The following STAG1 variants were observed in gnomAD, a reference collection of about 807,000 sequenced individuals.
STAG1 encodes the protein cohesin subunit SA-1.
A neutral mutation model predicts 170.9 loss-of-function variants in STAG1; 26 were observed. The observed-to-expected ratio is 0.15, with a 90% CI of 0.11 to 0.21. The LOEUF (loss-of-function observed/expected upper bound fraction) is 0.21, where lower values mean the gene tolerates loss of function less well. Ranked by LOEUF, STAG1 falls within the 10% of genes least tolerant of loss-of-function variation. The pLI is 1.00. For missense variants in STAG1, 964 were observed against 1,509.5 expected, an observed-to-expected ratio of 0.64 and a Z score of 5.99; for synonymous variants, 514 against 497.7, an observed-to-expected ratio of 1.03 and a Z score of -0.44.
intron 1 of STAG1, among the ~76,000 whole-genome samples, chr3:136,654,615 G>A (rs1559932630): frequency 6.6e-6 from 1 of 152,078 alleles, no homozygotes; most frequent in Non-Finnish European, 1.5e-5. Flanking sequence ...ATTTTTTGCA[G>A]AAATAGAAAA....
At chr3:136,586,888 T>C in intron 4 of STAG1, 1 of 456,526 alleles carries the variant, frequency 2.2e-6, no homozygotes, top group Non-Finnish European at 4.4e-6. Flanking sequence ...TCTTTCTCTC[T>C]CCCCTTCCAA....
At chr3:136,708,449 G>A (rs1417028958) in intron 1 of STAG1, among the ~76,000 whole-genome samples, 5 of 152,022 alleles carry the variant, frequency 3.3e-5, no homozygotes, top group Admixed American at 6.6e-5. Flanking sequence ...TGATTGCCAG[G>A]AGACTGGGGG....
intron 1 of STAG1, among the ~76,000 whole-genome samples, chr3:136,646,829 T>C (rs933655026): frequency 1.3e-5 from 2 of 151,706 alleles, no homozygotes; most frequent in Admixed American, 6.6e-5. Context: ...TCGCTTGAAC[T>C]GGGACCCAGG....
rs376201024 is a variant in STAG1, at chr3:136,426,992, G to A, written c.1651-3948C>T. 6.7e-4 allele frequency among the ~76,000 whole-genome samples: 102 copies of A among 151,510 alleles called. 1 individual carries two copies. Among genetic ancestry groups the A allele is most frequent in the African/African-American group, 1.8e-3 (75 of 41,278 alleles). On this transcript the variant is annotated intron_variant, in intron 16 of 33. Coordinates refer to ENST00000383202, the MANE Select transcript of STAG1 (RefSeq NM_005862.3). ...GGAGAATGGCATGAACCCAGGAGGCGCAGCTTGCAGTGAGCCGAGATCGCG... is the reference window on the plus strand; with the variant it reads ...GGAGAATGGCATGAACCCAGGAGGCACAGCTTGCAGTGAGCCGAGATCGCG...
intron 7 of STAG1, among the ~76,000 whole-genome samples, chr3:136,505,921 A>C (rs565861660): frequency 6.6e-6 from 1 of 152,318 alleles, no homozygotes; most frequent in South Asian, 2.1e-4. Flanking sequence ...GAGGGTACTC[A>C]CTACAGAGTA....
At chr3:136,617,437 C>A (rs374872918) in intron 3 of STAG1, among the ~76,000 whole-genome samples, 1 of 152,294 alleles carries the variant, frequency 6.6e-6, no homozygotes, top group East Asian at 1.9e-4. Flanking sequence ...CTTCACCTGG[C>A]CTATGGACTT....
At chr3:136,601,733 A>G (rs1385290268) in intron 4 of STAG1, among the ~76,000 whole-genome samples, 1 of 152,090 alleles carries the variant, frequency 6.6e-6, no homozygotes, top group East Asian at 1.9e-4. Flanking sequence ...GCTACTCGGG[A>G]GGTTGAGGCA....
intron 12 of STAG1, among the ~76,000 whole-genome samples, chr3:136,467,122 C>A (rs1184567333): frequency 6.6e-6 from 1 of 152,142 alleles, no homozygotes; most frequent in Non-Finnish European, 1.5e-5. Context: ...CAGCTAACAT[C>A]ATAACGTAAC....
chr3:136,448,179 A>T (rs2088839049), intron 14 of STAG1, among the ~76,000 whole-genome samples: 1 of 152,192 alleles, frequency 6.6e-6, no homozygotes, highest in Non-Finnish European at 1.5e-5. Flanking sequence ...CCAATTCAAC[A>T]TTTTATAATT....
chr3:136,369,163 G>C lies in STAG1; in HGVS notation c.2490C>G (p.Leu830=), dbSNP rs1388434607. 5 of 1,598,062 alleles carry C rather than the reference G, an allele frequency of 3.1e-6. No individual in the cohort carries two copies. The highest frequency in any genetic ancestry group is 2.6e-6 in the Non-Finnish European group (3 of 1,175,132). ...TAAAAACGTGATCCATCACAAAACT[G>C]AGGAGTTCAGATTGGAGTCCAGTAT... ...NPDTGLQSEL[L]SFVMDHVFID... The change falls in exon 24 of 34, where the codon CTC becomes CTG. Residue 830 remains leucine (L), a synonymous_variant. Coordinates refer to ENST00000383202, the MANE Select transcript of STAG1 (RefSeq NM_005862.3).
intron 23 of STAG1, 122 bp downstream of exon 23, chr3:136,377,538 G>T: frequency 1.4e-6 from 1 of 693,078 alleles, no homozygotes; most frequent in Non-Finnish European, 2.5e-6. Flanking sequence ...TCTTGTTCCA[G>T]GTCCAGTAAA....
At chr3:136,471,543 C>T (rs538960705) in intron 12 of STAG1, among the ~76,000 whole-genome samples, 1 of 152,160 alleles carries the variant, frequency 6.6e-6, no homozygotes, top group East Asian at 1.9e-4. Context: ...TTTCAAACAA[C>T]AGTAGATCCC....
At chr3:136,353,256 G>A (rs1479538043) in intron 28 of STAG1, among the ~76,000 whole-genome samples, 1 of 152,128 alleles carries the variant, frequency 6.6e-6, no homozygotes, top group African/African-American at 2.4e-5. Context: ...TGTGTAATGG[G>A]AGTAACCAAG....
At chr3:136,537,111 T>C (rs1935671202) in intron 6 of STAG1, among the ~76,000 whole-genome samples, 1 of 152,244 alleles carries the variant, frequency 6.6e-6, no homozygotes, top group Non-Finnish European at 1.5e-5. Flanking sequence ...TTGGCACTTG[T>C]CATTTCTAAT....
chr3:136,645,222 C>T (rs917589485), intron 1 of STAG1, among the ~76,000 whole-genome samples: 6 of 152,294 alleles, frequency 3.9e-5, no homozygotes, highest in Middle Eastern at 3.4e-3. Flanking sequence ...CTCAGAGATA[C>T]ATCTTCTATC....
chr3:136,644,834 C>T (rs1205928205), intron 1 of STAG1, among the ~76,000 whole-genome samples: 1 of 152,162 alleles, frequency 6.6e-6, no homozygotes, highest in Non-Finnish European at 1.5e-5. Flanking sequence ...CATCCTCCTA[C>T]CTCAGCCTCC....
intron 4 of STAG1, among the ~76,000 whole-genome samples, chr3:136,576,136 T>C (rs572145890): frequency 6.6e-6 from 1 of 152,344 alleles, no homozygotes; most frequent in Admixed American, 6.5e-5. Flanking sequence ...AATGATAGTA[T>C]ATCCATACAG....
At chr3:136,513,389 G>A (rs977960456) in intron 7 of STAG1, among the ~76,000 whole-genome samples, 1 of 151,472 alleles carries the variant, frequency 6.6e-6, no homozygotes, top group African/African-American at 2.4e-5. Flanking sequence ...AAATAAGAAA[G>A]AACTCTTAGA....
intron 28 of STAG1, among the ~76,000 whole-genome samples, chr3:136,353,909 T>C (rs1235445851): frequency 2.6e-5 from 4 of 152,252 alleles, no homozygotes; most frequent in Non-Finnish European, 5.9e-5. Context: ...AATATGTATG[T>C]TACTGTATTG....
Sources: allele counts gnomAD v4.1 joint callset (sites outside exome capture counted in the v4.1 genomes callset), GRCh38; gene constraint gnomAD v4.1.1; transcripts MANE v1.5; gene names NCBI Gene and HGNC (gene_info 2026-07-23, HGNC 2026-07-21).